The following KCTD3 variants were observed in gnomAD, a reference collection of about 807,000 sequenced individuals.
The protein encoded by KCTD3 is potassium channel tetramerization domain containing 3.
KCTD3 carries 41 observed loss-of-function variants against 85.8 expected under a neutral mutation model. The ratio of observed to expected loss-of-function variants is 0.48; its 90% confidence interval spans 0.37 to 0.62. The LOEUF is 0.62. Among genes scored for constraint, KCTD3 ranks in the 20% least tolerant of loss-of-function variants. KCTD3 has a pLI of 0.00. For missense variants in KCTD3, 724 were observed against 989.9 expected (o/e 0.73, Z 3.60); for synonymous variants, 338 against 345.4 (o/e 0.98, Z 0.24).
intron 1 of KCTD3, among the ~76,000 whole-genome samples, chr1:215,572,018 G>A (rs893286037): frequency 6.6e-6 from 1 of 152,202 alleles, no homozygotes; most frequent in Non-Finnish European, 1.5e-5. Context: ...TTATGGAACA[G>A]TGCATACACG....
intron 9 of KCTD3, among the ~76,000 whole-genome samples, chr1:215,587,054 T>C (rs1660035048): frequency 6.6e-6 from 1 of 152,154 alleles, no homozygotes. Flanking sequence ...ATTCCCAAAC[T>C]TTTTGGTTTC....
At chr1:215,594,272 A>T (rs1298306839) in intron 9 of KCTD3, among the ~76,000 whole-genome samples, 3 of 152,230 alleles carry the variant, frequency 2.0e-5, no homozygotes, top group South Asian at 4.1e-4. Context: ...GAGAGCCAGG[A>T]TCCCAACCCT....
intron 8 of KCTD3, among the ~76,000 whole-genome samples, chr1:215,585,390 T>G (rs1659969724): frequency 6.6e-6 from 1 of 152,188 alleles, no homozygotes; most frequent in African/African-American, 2.4e-5. Context: ...TTGTATATTC[T>G]TATGAATTAC....
Position 215,586,510 on chromosome 1 carries a change from A to G in KCTD3, c.642A>G (p.Ser214=). 2.5e-6 allele frequency: 4 copies of G among 1,613,094 alleles called. No homozygotes were observed. The highest frequency in any genetic ancestry group is 3.4e-6 in the Non-Finnish European group (4 of 1,179,426). ...TCCTTAACAGAATCAAAGAATCTTC[A>G]GGATGGCAGCAAGTGTTTACGAGCC... The part of the protein sequence containing the change: ...FAVCYRIKES[S]GWQQVFTSPY... Residue 214 remains serine, a synonymous_variant, in exon 9 of 18, where the codon TCA becomes TCG. Coordinates refer to ENST00000259154, the MANE Select transcript of KCTD3 (RefSeq NM_016121.5).
In KCTD3 at chr1:215,578,011, T is replaced by C; in HGVS notation, c.327T>C (p.Leu109=). Residue 109 remains leucine (L), a synonymous_variant, in exon 6 of 18, where the codon CTT becomes CTC. Coordinates refer to ENST00000259154, the MANE Select transcript of KCTD3 (RefSeq NM_016121.5). ...FYGITPLVRR[L]LLCEELERSS... The stretch of plus-strand genomic sequence containing the variant: ...TTGAAATGTTTTTAGTAAGAAGGCT[T>C]CTCTTATGTGAAGAATTGGAGCGTT... 6.2e-7 allele frequency: 1 copy of C among 1,611,558 alleles called. No homozygotes were observed. Among genetic ancestry groups the C allele is most frequent in the Non-Finnish European group, 8.5e-7 (1 of 1,178,542 alleles).
Position 215,608,010 on chromosome 1 carries a change from C to G in KCTD3, c.1310-7C>G, listed in dbSNP as rs1655099181. On this transcript the variant is annotated splice_region_variant and splice_polypyrimidine_tract_variant and intron_variant, in intron 13 of 17. Transcript: ENST00000259154. The stretch of plus-strand genomic sequence containing the variant: ...TTGTATTCTTTTGTGTTCTCTTTCT[C>G]TGCTAGTCTGTGCAGATAATAATCA... The G allele has an allele frequency of 5.7e-6, 9 of 1,589,938 alleles. No homozygotes were observed. In the South Asian group the frequency reaches 1.0e-4, roughly 18 times the overall value.
intron 8 of KCTD3, among the ~76,000 whole-genome samples, chr1:215,583,306 T>C (rs1215155808): frequency 6.6e-6 from 1 of 152,192 alleles, no homozygotes; most frequent in African/African-American, 2.4e-5. Context: ...TTCCCAGAAC[T>C]GAATGTTCCT....
chr1:215,573,610 T>G (rs957925529), intron 1 of KCTD3, among the ~76,000 whole-genome samples, 176 bp from the exon 2 acceptor site: 7 of 152,218 alleles, frequency 4.6e-5, no homozygotes, highest in African/African-American at 1.4e-4. Context: ...TGTATAATCT[T>G]AACTCTGAAT....
chr1:215,608,556 A>AT (rs1259383883), intron 14 of KCTD3, among the ~76,000 whole-genome samples: 1 of 152,000 alleles, frequency 6.6e-6, no homozygotes, highest in Non-Finnish European at 1.5e-5. Flanking sequence ...GTCCCTATAA[A>AT]TGAGAGTCAT....
chr1:215,579,478 T>C (rs1279052419), intron 7 of KCTD3, among the ~76,000 whole-genome samples: 1 of 151,910 alleles, frequency 6.6e-6, no homozygotes, highest in African/African-American at 2.4e-5. Flanking sequence ...CAAGTAAGCA[T>C]GGCTGGGTTC....
At chr1:215,617,165 A>AC (rs1228036073) in intron 15 of KCTD3, among the ~76,000 whole-genome samples, 1 of 152,238 alleles carries the variant, frequency 6.6e-6, no homozygotes, top group African/African-American at 2.4e-5. Flanking sequence ...TCCTTCCCAC[A>AC]CACCTTACCC....
intron 14 of KCTD3, among the ~76,000 whole-genome samples, chr1:215,610,740 T>G (rs949829483): frequency 1.3e-5 from 2 of 152,010 alleles, no homozygotes; most frequent in Admixed American, 6.6e-5. Flanking sequence ...CTATGAGAAC[T>G]TTGGTTAACT....
intron 9 of KCTD3, among the ~76,000 whole-genome samples, chr1:215,594,565 C>T (rs573157095): frequency 1.3e-5 from 2 of 152,262 alleles, no homozygotes; most frequent in South Asian, 2.1e-4. Flanking sequence ...ATATTTTCAA[C>T]CCCCTTTCCA....
intron 16 of KCTD3, 41 bp downstream of exon 16, chr1:215,619,111 C>A (rs746689813): frequency 1.2e-6 from 2 of 1,608,950 alleles, no homozygotes; most frequent in Admixed American, 3.4e-5. Flanking sequence ...CAAGGTTAAG[C>A]TTTTCACTTA....
intron 8 of KCTD3, among the ~76,000 whole-genome samples, chr1:215,583,498 C>G (rs1291469728): frequency 6.6e-6 from 1 of 152,204 alleles, no homozygotes; most frequent in Non-Finnish European, 1.5e-5. Context: ...GGCTTCTTTA[C>G]TCCGTCCTGT....
chr1:215,599,319 A>T (rs1219205813), intron 10 of KCTD3, among the ~76,000 whole-genome samples: 1 of 152,186 alleles, frequency 6.6e-6, no homozygotes, highest in African/African-American at 2.4e-5. Flanking sequence ...ACGATGGTAA[A>T]TTTAGATAAG....
intron 3 of KCTD3, among the ~76,000 whole-genome samples, chr1:215,574,839 AC>A (rs1445031665): frequency 2.0e-5 from 3 of 152,348 alleles, no homozygotes; most frequent in East Asian, 1.9e-4. Context: ...GAGTTTTATT[AC>A]TGGCTGCCAT....
intron 10 of KCTD3, among the ~76,000 whole-genome samples, chr1:215,597,130 T>C (rs568807779): frequency 1.2e-4 from 18 of 152,152 alleles, no homozygotes; most frequent in African/African-American, 4.1e-4. Context: ...CAGGTTTGTA[T>C]GTAATCTTAA....
intron 8 of KCTD3, among the ~76,000 whole-genome samples, chr1:215,582,930 A>AT (rs553796571): frequency 3.1e-4 from 47 of 152,218 alleles, no homozygotes; most frequent in Non-Finnish European, 4.9e-4. Context: ...CTTCTTTGTA[A>AT]TTTTTTAAAA....
Sources: allele counts gnomAD v4.1 joint callset (sites outside exome capture counted in the v4.1 genomes callset), GRCh38; gene constraint gnomAD v4.1.1; transcripts MANE v1.5; gene names NCBI Gene and HGNC (gene_info 2026-07-23, HGNC 2026-07-21).